Variants in C10orf90 observed in about 807,000 individuals in gnomAD.
The protein encoded by C10orf90 is chromosome 10 open reading frame 90.
C10orf90 carries 56 observed loss-of-function variants against 62.5 expected under a neutral mutation model. The ratio of observed to expected loss-of-function variants is 0.90; its 90% confidence interval spans 0.72 to 1.12. The LOEUF (loss-of-function observed/expected upper bound fraction) is 1.12, where lower values mean the gene tolerates loss of function less well. Among genes scored for constraint, C10orf90 ranks in the 50% most tolerant of loss-of-function variants. The pLI is 0.00. For missense variants in C10orf90, 970 were observed against 880.4 expected, an observed-to-expected ratio of 1.10 and a Z score of -1.29; for synonymous variants, 386 against 340.4, an observed-to-expected ratio of 1.13 and a Z score of -1.47.
chr10:126,638,327 C>T (rs1845994253), intron 2 of C10orf90, among the ~76,000 whole-genome samples: 1 of 152,110 alleles, frequency 6.6e-6, no homozygotes, highest in African/African-American at 2.4e-5. Flanking sequence ...ACTGTATCCC[C>T]ACCCTACATT....
At chr10:126,646,514 T>G in intron 2 of C10orf90, 51 bp downstream of exon 2, 1 of 347,010 alleles carries the variant, frequency 2.9e-6, no homozygotes, top group South Asian at 2.2e-5. Context: ...AGAGAGAGAG[T>G]AAATAAAGGC....
intron 4 of C10orf90, among the ~76,000 whole-genome samples, chr10:126,465,620 G>C (rs1860243114): frequency 1.3e-5 from 2 of 152,148 alleles, no homozygotes; most frequent in Admixed American, 6.5e-5. Context: ...GGCGAATACA[G>C]AGATAGGAAA....
chr10:126,547,566 G>T (rs990623598), intron 2 of C10orf90, among the ~76,000 whole-genome samples: 3 of 144,222 alleles, frequency 2.1e-5, no homozygotes, highest in African/African-American at 7.7e-5. Context: ...ATCTGAGAGA[G>T]AAATTAAAGC....
intron 2 of C10orf90, among the ~76,000 whole-genome samples, chr10:126,567,204 G>A (rs1008266345): frequency 3.3e-5 from 5 of 152,138 alleles, no homozygotes; most frequent in Non-Finnish European, 5.9e-5. Context: ...ACTGGCTCAC[G>A]GTTCTGCAGG....
chr10:126,438,516 A>G (rs972179857), intron 7 of C10orf90, among the ~76,000 whole-genome samples: 1 of 152,184 alleles, frequency 6.6e-6, no homozygotes, highest in African/African-American at 2.4e-5. Flanking sequence ...TGAGCATTAC[A>G]CACTTCTAAA....
At position 126,649,395 on chromosome 10, in the gene C10orf90, C is replaced by T. The variant is rs183270001; in HGVS notation, c.241-2758G>A. On this transcript the variant is annotated intron_variant, in intron 1 of 9. Transcript: ENST00000488181. Reference sequence around the variant, plus strand: ...TGAGGGCCCTGGTGGTGCCCCTGCTCATCTCTGTGGCATCACTCACTGGGC... The same window carrying T: ...TGAGGGCCCTGGTGGTGCCCCTGCTTATCTCTGTGGCATCACTCACTGGGC... Among the ~76,000 whole-genome samples the T allele has an allele frequency of 4.2e-4, 64 of 152,164 alleles. 1 individual carries two copies. The highest frequency in any genetic ancestry group is 2.1e-4 in the Non-Finnish European group (14 of 68,012).
intron 4 of C10orf90, among the ~76,000 whole-genome samples, chr10:126,500,227 T>C (rs1862295699): frequency 6.6e-6 from 1 of 152,180 alleles, no homozygotes; most frequent in Non-Finnish European, 1.5e-5. Flanking sequence ...CCACCTTTGG[T>C]AGTGGCAGAG....
chr10:126,650,402 C>T (rs368568504), intron 1 of C10orf90, among the ~76,000 whole-genome samples: 20 of 152,282 alleles, frequency 1.3e-4, no homozygotes, highest in East Asian at 9.6e-4. Flanking sequence ...CCTGGTGTCA[C>T]GTGAGGAGCT....
intron 2 of C10orf90, among the ~76,000 whole-genome samples, chr10:126,535,230 T>A (rs895939665): frequency 3.3e-5 from 5 of 151,860 alleles, no homozygotes; most frequent in Non-Finnish European, 5.9e-5. Context: ...TTTTAAAAAA[T>A]TTGTCAGCTG....
At chr10:126,649,804 C>T (rs1449602212) in intron 1 of C10orf90, among the ~76,000 whole-genome samples, 4 of 152,178 alleles carry the variant, frequency 2.6e-5, no homozygotes, top group Non-Finnish European at 5.9e-5. Flanking sequence ...TCTGCCTCCC[C>T]CTGAGACCCA....
intron 2 of C10orf90, among the ~76,000 whole-genome samples, chr10:126,570,990 C>A (rs996745149): frequency 6.6e-6 from 1 of 152,218 alleles, no homozygotes; most frequent in Admixed American, 6.5e-5. Context: ...CCATTTCCAT[C>A]CCATCCATTT....
chr10:126,652,258 T>G lies in C10orf90; in HGVS notation c.241-5621A>C, dbSNP rs192086006. Among the ~76,000 whole-genome samples, 7 of 152,338 alleles carry G rather than the reference T, an allele frequency of 4.6e-5. No individual in the cohort carries two copies. In the East Asian group the frequency reaches 1.2e-3, roughly 25 times the overall value. On this transcript the variant is annotated intron_variant, in intron 1 of 9. Transcript: ENST00000488181. ...TTACATCTGGTTTAACTTTTTCTAA[T>G]CTAAAATAAATCAGCATGAAAAGCA...
chr10:126,657,773 A>G (rs922715034), intron 1 of C10orf90, among the ~76,000 whole-genome samples: 3 of 151,422 alleles, frequency 2.0e-5, no homozygotes, highest in Non-Finnish European at 4.4e-5. Context: ...GTGCCATCAC[A>G]CCTGGCTAAT....
intron 2 of C10orf90, among the ~76,000 whole-genome samples, chr10:126,521,054 T>C (rs1863715400): frequency 6.6e-6 from 1 of 152,212 alleles, no homozygotes; most frequent in Admixed American, 6.5e-5. Context: ...CAGAACACTA[T>C]TCAGCCAGCC....
rs78582520 is a variant in C10orf90 at position 126,471,943 on chromosome 10, G to A, written c.1535-6957C>T. 1.2e-4 allele frequency among the ~76,000 whole-genome samples: 3 copies of A among 24,044 alleles called. No individual in the cohort carries two copies. In the East Asian group the frequency reaches 3.3e-3, roughly 27 times the overall value. 15.8% of individuals were successfully genotyped at this position (24,044 alleles called of 152,430 possible). The stretch of plus-strand genomic sequence containing the variant: ...AGAAATAAAACACACACACACACAC[G>A]TGCACACACTCATGCCCATTTCCTA... On this transcript the variant is annotated intron_variant, in intron 4 of 9. Coordinates refer to ENST00000488181, the MANE Select transcript of C10orf90 (RefSeq NM_001350921.2).
chr10:126,478,760 C>T (rs1026727744), intron 4 of C10orf90, among the ~76,000 whole-genome samples: 6 of 152,072 alleles, frequency 3.9e-5, no homozygotes, highest in Non-Finnish European at 2.9e-5. Flanking sequence ...TTCTGCTGTC[C>T]AACACCCCTG....
At chr10:126,545,020 A>T (rs1864458705) in intron 2 of C10orf90, among the ~76,000 whole-genome samples, 1 of 152,190 alleles carries the variant, frequency 6.6e-6, no homozygotes. Context: ...ATGCTGACCT[A>T]TTATTTAAAA....
At chr10:126,482,170 A>G (rs1861201235) in intron 4 of C10orf90, among the ~76,000 whole-genome samples, 2 of 152,192 alleles carry the variant, frequency 1.3e-5, no homozygotes, top group South Asian at 4.1e-4. Context: ...ATGTAAAACT[A>G]GGATTAAATA....
At chr10:126,663,680 C>T (rs2133874913) in intron 1 of C10orf90, among the ~76,000 whole-genome samples, 1 of 152,204 alleles carries the variant, frequency 6.6e-6, no homozygotes, top group South Asian at 2.1e-4. Context: ...TTAACATGGA[C>T]AATTCAGCTG....
Sources: allele counts gnomAD v4.1 joint callset (sites outside exome capture counted in the v4.1 genomes callset), GRCh38; gene constraint gnomAD v4.1.1; transcripts MANE v1.5; gene names NCBI Gene and HGNC (gene_info 2026-07-23, HGNC 2026-07-21).